EEF2K: variants seen among roughly 807,000 people sequenced by gnomAD.
EEF2K encodes the protein eukaryotic elongation factor 2 kinase, also known as alternative protein EEF2K.
In EEF2K, 70 loss-of-function variants were observed where a neutral mutation model predicts 93.8. The observed-to-expected ratio is 0.75, with a 90% CI of 0.62 to 0.91. The LOEUF (loss-of-function observed/expected upper bound fraction) is 0.91. Among genes scored for constraint, EEF2K ranks in the 40% least tolerant of loss-of-function variants. The pLI is 0.00. For missense variants in EEF2K, 935 were observed against 972.9 expected (o/e 0.96, Z 0.52); for synonymous variants, 376 against 380.8 (o/e 0.99, Z 0.15).
intron 12 of EEF2K, among the ~76,000 whole-genome samples, chr16:22,264,289 C>CAAAA (rs59993193): frequency 5.0e-5 from 2 of 39,894 alleles, no homozygotes; most frequent in Non-Finnish European, 9.5e-5. Flanking sequence ...GAGACTGTCT[C>CAAAA]AAAAAAAAAA....
intron 2 of EEF2K, among the ~76,000 whole-genome samples, chr16:22,234,358 A>G (rs1356807370): frequency 6.6e-6 from 1 of 152,136 alleles, no homozygotes; most frequent in African/African-American, 2.4e-5. Context: ...GGAGTTGGAG[A>G]CCAGCCTGAC....
chr16:22,216,346 G>T (rs1399809913), intron 1 of EEF2K, among the ~76,000 whole-genome samples: 1 of 152,232 alleles, frequency 6.6e-6, no homozygotes, highest in East Asian at 1.9e-4. Flanking sequence ...TCAGAGGAGA[G>T]TCCAGTGTAG....
At chr16:22,244,269 T>TTTG (rs1192995219) in intron 2 of EEF2K, among the ~76,000 whole-genome samples, 2 of 140,058 alleles carry the variant, frequency 1.4e-5, no homozygotes, top group African/African-American at 2.6e-5. Flanking sequence ...TATATATGTA[T>TTTG]TGTGTGTGTG....
chr16:22,250,253 C>T (rs999397485), intron 4 of EEF2K, among the ~76,000 whole-genome samples: 6 of 152,120 alleles, frequency 3.9e-5, no homozygotes, highest in East Asian at 3.8e-4. Flanking sequence ...TGGTTTTCAT[C>T]GCTGCATGGT....
At chr16:22,279,865 G>C (rs1469670616) in intron 16 of EEF2K, among the ~76,000 whole-genome samples, 1 of 152,080 alleles carries the variant, frequency 6.6e-6, no homozygotes, top group Non-Finnish European at 1.5e-5. Context: ...GTGTGGTGGC[G>C]TGCACCTGTA....
intron 9 of EEF2K, 148 bp from the exon 10 acceptor site, chr16:22,258,346 A>AT: frequency 1.2e-6 from 1 of 840,768 alleles, no homozygotes; most frequent in Non-Finnish European, 1.8e-6. Flanking sequence ...CTGATTTTTT[A>AT]TTTTTTAAGA....
At chr16:22,241,435 A>G (rs1313869068) in intron 2 of EEF2K, among the ~76,000 whole-genome samples, 1 of 152,074 alleles carries the variant, frequency 6.6e-6, no homozygotes, top group Non-Finnish European at 1.5e-5. Context: ...ACCTGAGGTC[A>G]GGAGTTCGAG....
chr16:22,276,602 G>C lies in EEF2K; in HGVS notation c.1889+2852G>C, dbSNP rs140451823. On this transcript the variant is annotated intron_variant, in intron 16 of 17. Coordinates refer to ENST00000263026, the MANE Select transcript of EEF2K (RefSeq NM_013302.5). The stretch of plus-strand genomic sequence containing the variant: ...GAAGGTGCTAGAAACGCCAAGGAAG[G>C]ATGGACGCCCTCGCCAATGGGATAG... 4.3e-3 allele frequency among the ~76,000 whole-genome samples: 649 copies of C among 152,272 alleles called. 2 individuals carry two copies. The highest frequency in any genetic ancestry group is 7.1e-3 in the Non-Finnish European group (482 of 68,022).
chr16:22,207,332 G>A (rs1310152889), intron 1 of EEF2K, among the ~76,000 whole-genome samples: 2 of 152,284 alleles, frequency 1.3e-5, no homozygotes, highest in South Asian at 4.1e-4. Context: ...ATGGGGAAGT[G>A]AGATCTGCCC....
chr16:22,288,517 GTT>G lies in EEF2K; in HGVS notation c.*4523_*4524del, dbSNP rs1262343613. ...CTAGACATGTTTTACAAATCAACAA[GTT>G]TACACAAGTATATGCAGCTTGTTTT... On this transcript the variant is annotated 3_prime_UTR_variant, in exon 18 of 18. Transcript: ENST00000263026. 1 of 152,050 alleles carries G rather than the reference GTT, an allele frequency of 6.6e-6. No homozygotes were observed. The highest frequency in any genetic ancestry group is 1.5e-5 in the Non-Finnish European group (1 of 68,002). 9.4% of individuals were successfully genotyped at this position (152,050 alleles called of 1,614,324 possible). A position where few individuals can be genotyped will look rare whatever the true frequency, so the allele number is the denominator to read the frequency against.
At chr16:22,252,328 G>GGT (rs1203461830) in intron 6 of EEF2K, among the ~76,000 whole-genome samples, 1 of 152,186 alleles carries the variant, frequency 6.6e-6, no homozygotes, top group African/African-American at 2.4e-5. Context: ...CTCTGGCCTG[G>GGT]GTGTTCTTCT....
intron 2 of EEF2K, among the ~76,000 whole-genome samples, chr16:22,242,476 CTT>C (rs750203997): frequency 6.9e-6 from 1 of 144,538 alleles, no homozygotes. Context: ...ATGCACCCAG[CTT>C]TTTTTTTTTT....
chr16:22,247,318 C>T (rs1598184146), intron 3 of EEF2K, among the ~76,000 whole-genome samples: 1 of 151,090 alleles, frequency 6.6e-6, no homozygotes, highest in Non-Finnish European at 1.5e-5. Flanking sequence ...TGGTGGCAGG[C>T]ACACCTGTAA....
intron 2 of EEF2K, among the ~76,000 whole-genome samples, chr16:22,234,840 G>A (rs2047150978): frequency 7.3e-6 from 1 of 137,470 alleles, no homozygotes; most frequent in Non-Finnish European, 1.6e-5. Context: ...GGCCTTTTAT[G>A]TCTGGCTTCT....
chr16:22,237,488 A>G (rs1318261690), intron 2 of EEF2K, among the ~76,000 whole-genome samples: 1 of 151,894 alleles, frequency 6.6e-6, no homozygotes, highest in Non-Finnish European at 1.5e-5. Context: ...AATACAAAAA[A>G]TTAGCCAGGC....
rs537286012 is a variant in EEF2K at position 22,247,704 on chromosome 16, G to A, written c.348-1051G>A. ...CTTCACTGAACCTCAGCATAAAATCGGATTGGTTCTTCTGTATCTTTGAGT... is the reference window on the plus strand; with the variant it reads ...CTTCACTGAACCTCAGCATAAAATCAGATTGGTTCTTCTGTATCTTTGAGT... On this transcript the variant is annotated intron_variant, in intron 3 of 17. Coordinates refer to ENST00000263026, the MANE Select transcript of EEF2K (RefSeq NM_013302.5). Among the ~76,000 whole-genome samples the A allele has an allele frequency of 3.3e-5, 5 of 152,226 alleles. No homozygotes were observed. The East Asian group carries it at 7.7e-4, about 24-fold the overall frequency.
rs553531596 is a variant in EEF2K, at chr16:22,233,476, C to T, written c.246+7501C>T. On this transcript the variant is annotated intron_variant, in intron 2 of 17. Transcript: ENST00000263026. The stretch of plus-strand genomic sequence containing the variant: ...GGTAGATCACTTGAGGTCAGGAGTT[C>T]GAGACCACCCTGGCCAACATGGTGA... Among the ~76,000 whole-genome samples, 261 of 150,758 alleles carry T rather than the reference C, an allele frequency of 1.7e-3. 2 individuals are homozygous for T. Among genetic ancestry groups the T allele is most frequent in the African/African-American group, 6.1e-3 (249 of 41,000 alleles).
Position 22,263,127 on chromosome 16 carries a change from G to A in EEF2K, c.1317G>A (p.Gly439=). The A allele has an allele frequency of 6.2e-7, 1 of 1,612,220 alleles. No individual in the cohort carries two copies. ...CTCCACAGGAGTCTGAGAATAGTGG[G>A]GACAGCGGATACCCCAGTGAGAAGC... ...LDNHRESENS[G]DSGYPSEKRG... is the part of the protein sequence containing the mutation. Residue 439 remains glycine, a synonymous_variant, in exon 12 of 18, where the codon GGG becomes GGA. Transcript: ENST00000263026.
rs1347551525 is a variant in EEF2K, at chr16:22,285,564, C to T, written c.*1568C>T. On this transcript the variant is annotated 3_prime_UTR_variant, in exon 18 of 18. Transcript: ENST00000263026. ...AGGTGCGGTGGCTCCCGCCTGTAAT[C>T]TCAGCACTTTGAGGAGGGCCAAGGT... 1 of 152,166 alleles carries T rather than the reference C, an allele frequency of 6.6e-6. No homozygotes were observed. The highest frequency in any genetic ancestry group is 1.9e-4 in the East Asian group (1 of 5,174). The allele number at this position is 152,166 out of a possible 1,614,324, so 9.4% of individuals were successfully genotyped here.
Sources: gnomAD v4.1 joint callset for allele counts (sites outside exome capture counted in the v4.1 genomes callset) on GRCh38, gnomAD v4.1.1 for gene constraint, MANE v1.5 for transcripts, NCBI Gene and HGNC (gene_info 2026-07-23, HGNC 2026-07-21) for gene names.